The following CTNNA2 variants were observed in gnomAD, a reference collection of about 807,000 sequenced individuals.
CTNNA2 encodes the protein catenin alpha-2.
Under a neutral mutation model 101.0 loss-of-function variants are expected in CTNNA2, and 42 were observed. The ratio of observed to expected loss-of-function variants is 0.42; its 90% CI spans 0.32 to 0.54. CTNNA2 has a LOEUF of 0.54. Among genes scored for constraint, CTNNA2 ranks in the 20% least tolerant of loss-of-function variants. The pLI, the probability that CTNNA2 is intolerant of heterozygous loss-of-function variation, is 0.14. For missense variants in CTNNA2, 871 were observed against 1,223.1 expected (o/e 0.71, Z 4.29); for synonymous variants, 450 against 456.4 (o/e 0.99, Z 0.18).
intron 2 of CTNNA2, among the ~76,000 whole-genome samples, chr2:79,661,354 A>G (rs1682024082): frequency 6.6e-6 from 1 of 152,252 alleles, no homozygotes; most frequent in African/African-American, 2.4e-5. Flanking sequence ...TTTACTTTAA[A>G]TAATTTCTAG....
At chr2:80,099,644 G>T (rs1048258411) in intron 7 of CTNNA2, among the ~76,000 whole-genome samples, 1 of 151,774 alleles carries the variant, frequency 6.6e-6, no homozygotes, top group African/African-American at 2.4e-5. Context: ...CCAAAATGCA[G>T]ATTGCAGATC....
intron 3 of CTNNA2, among the ~76,000 whole-genome samples, chr2:79,778,777 A>T (rs1674199168): frequency 6.6e-6 from 1 of 152,174 alleles, no homozygotes; most frequent in Non-Finnish European, 1.5e-5. Context: ...TGTATCTCTT[A>T]GACAAGAAGT....
intron 3 of CTNNA2, among the ~76,000 whole-genome samples, chr2:79,347,086 C>T (rs1301051098): frequency 6.6e-6 from 1 of 152,086 alleles, no homozygotes; most frequent in Non-Finnish European, 1.5e-5. Context: ...TACCCCCTAA[C>T]CTAACATTTT....
chr2:79,371,935 G>A (rs6547231), intron 3 of CTNNA2, among the ~76,000 whole-genome samples: 21,567 of 152,086 alleles, frequency 0.14, 1,679 homozygotes, highest in Non-Finnish European at 0.18. Context: ...GGTATAACTT[G>A]TCAAGATGAT....
At chr2:79,324,457 T>G (rs186930938) in intron 3 of CTNNA2, among the ~76,000 whole-genome samples, 84 of 152,218 alleles carry the variant, frequency 5.5e-4, no homozygotes, top group African/African-American at 2.0e-3. Context: ...GTGGTTTGGG[T>G]GTGGACTTAA....
chr2:80,604,433 C>T (rs950042349), intron 16 of CTNNA2, among the ~76,000 whole-genome samples: 1 of 151,880 alleles, frequency 6.6e-6, no homozygotes, highest in African/African-American at 2.4e-5. Flanking sequence ...ACTTAGGAGA[C>T]ATCAGCCCCT....
At chr2:79,680,716 A>G (rs947685045) in intron 2 of CTNNA2, among the ~76,000 whole-genome samples, 11 of 152,220 alleles carry the variant, frequency 7.2e-5, no homozygotes, top group African/African-American at 2.7e-4. Context: ...CTTGATCTAA[A>G]TGCTTTCTCT....
chr2:80,624,332 G>T (rs1313717778), intron 18 of CTNNA2, among the ~76,000 whole-genome samples: 1 of 151,958 alleles, frequency 6.6e-6, no homozygotes, highest in African/African-American at 2.4e-5. Flanking sequence ...GGTCTATGTT[G>T]AAAATGTTAA....
At chr2:80,396,635 C>T (rs1230013448) in intron 8 of CTNNA2, among the ~76,000 whole-genome samples, 1 of 152,184 alleles carries the variant, frequency 6.6e-6, no homozygotes, top group African/African-American at 2.4e-5. Context: ...CTTAATTTTT[C>T]CTACAATTAC....
At chr2:80,343,520 T>C (rs1316394805) in intron 7 of CTNNA2, among the ~76,000 whole-genome samples, 68 of 152,140 alleles carry the variant, frequency 4.5e-4, no homozygotes, top group Admixed American at 4.4e-3. Flanking sequence ...TGGTTTTGTG[T>C]CATTTACTTC....
chr2:79,487,769 A>G (rs1199701318), intron 4 of CTNNA2, among the ~76,000 whole-genome samples: 1 of 152,232 alleles, frequency 6.6e-6, no homozygotes, highest in African/African-American at 2.4e-5. Flanking sequence ...AATGAACACA[A>G]TTAACCCAGA....
At chr2:80,085,594 T>G (rs1179297232) in intron 7 of CTNNA2, among the ~76,000 whole-genome samples, 1 of 152,088 alleles carries the variant, frequency 6.6e-6, no homozygotes, top group African/African-American at 2.4e-5. Context: ...GCTGAGTGAT[T>G]TTGAAAAGGC....
chr2:80,134,413 T>G (rs1702577880), intron 7 of CTNNA2, among the ~76,000 whole-genome samples: 1 of 152,078 alleles, frequency 6.6e-6, no homozygotes, highest in Non-Finnish European at 1.5e-5. Flanking sequence ...GGTTGGTAAA[T>G]GATCACCATA....
At chr2:79,972,113 A>C (rs518046) in intron 7 of CTNNA2, among the ~76,000 whole-genome samples, 100,377 of 152,062 alleles carry the variant, frequency 0.66, 33,895 homozygotes, top group Non-Finnish European at 0.74. Context: ...GGGACCATAC[A>C]AGAACATGAA....
upstream of CTNNA2, among the ~76,000 whole-genome samples, chr2:79,508,168 C>A (rs1253672046): frequency 6.6e-6 from 1 of 152,136 alleles, no homozygotes; most frequent in African/African-American, 2.4e-5. Context: ...ATAATCATAT[C>A]CCTTGCCATG....
rs895386465 is a variant in CTNNA2, at chr2:80,058,764, A to G, written c.1056+148967A>G. 3.9e-5 allele frequency among the ~76,000 whole-genome samples: 6 copies of G among 152,222 alleles called. No homozygotes were observed. In the East Asian group the frequency reaches 1.2e-3, roughly 30 times the overall value. ...ATTGCGCAAATGCAACCGCAACCAC[A>G]GAGGTACAATGAATCCCCCAGACCC... On this transcript the variant is annotated intron_variant, in intron 7 of 18. Coordinates refer to ENST00000402739, the MANE Select transcript of CTNNA2 (RefSeq NM_001282597.3).
rs62141630 is a variant in CTNNA2 at position 79,936,898 on chromosome 2, C to T, written c.1056+27101C>T. Among the ~76,000 whole-genome samples, 836 of 152,238 alleles carry T rather than the reference C, an allele frequency of 5.5e-3. 6 individuals are homozygous for T. The highest frequency in any genetic ancestry group is 8.7e-3 in the Non-Finnish European group (594 of 68,012). ...CTCCTCCCCACACTCACCTTTCTTTCGTTTTCTGTCATGTTACATGACCTA... is the reference window on the plus strand; with the variant it reads ...CTCCTCCCCACACTCACCTTTCTTTTGTTTTCTGTCATGTTACATGACCTA... On this transcript the variant is annotated intron_variant, in intron 7 of 18. Coordinates refer to ENST00000402739, the MANE Select transcript of CTNNA2 (RefSeq NM_001282597.3).
At chr2:80,232,341 G>GTTGTTTTTTTTTTTTTTTTTTTTT (rs1709276642) in intron 7 of CTNNA2, among the ~76,000 whole-genome samples, 1 of 82,056 alleles carries the variant, frequency 1.2e-5, no homozygotes, top group African/African-American at 3.3e-5. Flanking sequence ...TTGTTTGTTT[G>GTTGTTTTTTTTTTTTTTTTTTTTT]TTTGTTTTTT....
intron 7 of CTNNA2, among the ~76,000 whole-genome samples, chr2:80,268,394 G>A (rs1449910338): frequency 6.6e-6 from 1 of 152,108 alleles, no homozygotes; most frequent in East Asian, 1.9e-4. Context: ...TTTTACAGGT[G>A]ACAAAACCAT....
Sources: allele counts gnomAD v4.1 joint callset (sites outside exome capture counted in the v4.1 genomes callset), GRCh38; gene constraint gnomAD v4.1.1; transcripts MANE v1.5; gene names NCBI Gene and HGNC (gene_info 2026-07-23, HGNC 2026-07-21).